Variants in SNX25 observed in about 807,000 individuals in gnomAD.
SNX25 encodes the protein sorting nexin-25.
Under a neutral mutation model 113.7 loss-of-function variants are expected in SNX25, and 62 were observed. That is an observed-to-expected ratio of 0.55 (90% CI 0.44 to 0.67). SNX25 has a LOEUF of 0.67. Among genes scored for constraint, SNX25 ranks in the 30% least tolerant of loss-of-function variants. The pLI, the probability that SNX25 is intolerant of heterozygous loss-of-function variation, is 0.00. For synonymous variants in SNX25, 421 were observed against 436.2 expected (o/e 0.97, Z 0.43); for missense variants, 1,014 against 1,161.0 (o/e 0.87, Z 1.84).
chr4:185,240,271 G>A (rs1489423623), intron 1 of SNX25, among the ~76,000 whole-genome samples: 2 of 152,126 alleles, frequency 1.3e-5, no homozygotes, highest in South Asian at 2.1e-4. Context: ...CGTTCTCAAT[G>A]AGCTGTTGAG....
intron 2 of SNX25, among the ~76,000 whole-genome samples, chr4:185,255,248 C>T (rs1746249011): frequency 6.6e-6 from 1 of 152,016 alleles, no homozygotes; most frequent in Non-Finnish European, 1.5e-5. Context: ...ATTCTCCTGT[C>T]TCAGCCTCTG....
intron 7 of SNX25, among the ~76,000 whole-genome samples, chr4:185,318,059 A>G (rs1034029859): frequency 3.6e-4 from 54 of 152,096 alleles, no homozygotes; most frequent in Non-Finnish European, 3.5e-4. Context: ...AAGAAAGAAA[A>G]TGCCTGCCCC....
At chr4:185,268,415 T>G (rs1303750492) in intron 5 of SNX25, among the ~76,000 whole-genome samples, 1 of 152,184 alleles carries the variant, frequency 6.6e-6, no homozygotes, top group African/African-American at 2.4e-5. Flanking sequence ...TGTATTTTTG[T>G]GTATTTTTAA....
At chr4:185,259,200 G>A (rs952386474) in intron 3 of SNX25, 136 bp downstream of exon 3, 7 of 724,846 alleles carry the variant, frequency 9.7e-6, no homozygotes, top group Non-Finnish European at 1.5e-5. Context: ...TTATTAAGGG[G>A]GAATAATTAT....
the SNX25 span, chr4:185,377,925 A>C: frequency 1.4e-5 from 9 of 621,516 alleles, no homozygotes; most frequent in South Asian, 2.1e-4. Flanking sequence ...TAAATGAGCA[A>C]TTTCACAGAT....
At chr4:185,332,488 TC>T (rs1290552113) in intron 9 of SNX25, 106 bp from the exon 10 acceptor site, 9 of 1,101,208 alleles carry the variant, frequency 8.2e-6, no homozygotes, top group Non-Finnish European at 7.3e-6. Context: ...ACTTTAGTAT[TC>T]TTTCCTTACT....
At chr4:185,342,788 C>T (rs969407146) in intron 12 of SNX25, among the ~76,000 whole-genome samples, 3 of 152,214 alleles carry the variant, frequency 2.0e-5, no homozygotes, top group African/African-American at 7.2e-5. Context: ...AGGTGCGGTG[C>T]TTGGAGCACA....
chr4:185,265,813 A>G (rs1352188102), intron 4 of SNX25, among the ~76,000 whole-genome samples: 1 of 152,106 alleles, frequency 6.6e-6, no homozygotes, highest in Non-Finnish European at 1.5e-5. Context: ...TCTTTACACT[A>G]GCTTGACCTC....
intron 10 of SNX25, 42 bp downstream of exon 10, chr4:185,332,801 T>C: frequency 1.9e-6 from 3 of 1,589,730 alleles, no homozygotes; most frequent in Non-Finnish European, 1.7e-6. Context: ...AGTTAACATT[T>C]GTCTAATTTG....
intron 7 of SNX25, among the ~76,000 whole-genome samples, chr4:185,313,851 G>C (rs180989893): frequency 3.7e-4 from 57 of 152,246 alleles, no homozygotes; most frequent in African/African-American, 1.3e-3. Flanking sequence ...CACAGATCTT[G>C]TATGTTATGT....
chr4:185,359,854 T>C lies in SNX25; in HGVS notation c.2652-2070T>C, dbSNP rs182043988. On this transcript the variant is annotated intron_variant, in intron 16 of 18. Coordinates refer to ENST00000652585, the MANE Select transcript of SNX25 (RefSeq NM_001378034.2). Reference sequence around the variant, plus strand: ...GAGTGGTGCATACATCGGGCAGTAATTTTCACAGGGATGGAGAAGAGGCAC... The same window carrying C: ...GAGTGGTGCATACATCGGGCAGTAACTTTCACAGGGATGGAGAAGAGGCAC... Among the ~76,000 whole-genome samples the C allele has an allele frequency of 5.2e-4, 79 of 152,330 alleles. 1 individual carries two copies. In the East Asian group the frequency reaches 0.014, roughly 26 times the overall value.
Position 185,335,477 on chromosome 4 carries a change from T to G in SNX25, c.1914+2718T>G, listed in dbSNP as rs535323136. ...CTTTTCTGGATTAAATATCTAATTA[T>G]TAATCAGATCATTTTCCTGTGAGAC... is the stretch of plus-strand genomic sequence containing the variant. On this transcript the variant is annotated intron_variant, in intron 10 of 18. Transcript: ENST00000652585. 3.3e-4 allele frequency among the ~76,000 whole-genome samples: 50 copies of G among 152,312 alleles called. 1 individual carries two copies. The South Asian group carries it at 0.01, about 31-fold the overall frequency.
chr4:185,374,092 TAATC>T (rs2095425143), downstream of SNX25: 1 of 1,497,314 alleles, frequency 6.7e-7, no homozygotes. Context: ...AAACAAATAT[TAATC>T]TAAATATAAC....
intron 6 of SNX25, chr4:185,296,029 T>C (rs1752791108): frequency 6.6e-6 from 1 of 152,228 alleles, no homozygotes; most frequent in East Asian, 1.9e-4. Flanking sequence ...ATTCAGTGGC[T>C]GGTGAGGGCT....
chr4:185,207,210 CTTTTTTTT>C (rs34373262), upstream of SNX25, among the ~76,000 whole-genome samples: 380 of 76,854 alleles, frequency 4.9e-3, 13 homozygotes, highest in South Asian at 0.12. Flanking sequence ...ACCAGTCACA[CTTTTTTTT>C]TTTTTTTTTT....
chr4:185,329,195 G>T (rs960204876), intron 9 of SNX25, among the ~76,000 whole-genome samples: 3 of 152,138 alleles, frequency 2.0e-5, no homozygotes, highest in Non-Finnish European at 4.4e-5. Context: ...CAAAGGTGCC[G>T]TTTTCAGGCC....
At chr4:185,220,469 C>A (rs1349736138) in intron 1 of SNX25, among the ~76,000 whole-genome samples, 1 of 149,406 alleles carries the variant, frequency 6.7e-6, no homozygotes, top group African/African-American at 2.5e-5. Flanking sequence ...AAAGTCAGGT[C>A]CCACAACTGA....
chr4:185,370,783 G>T (rs1371812945), downstream of SNX25: 7 of 1,614,058 alleles, frequency 4.3e-6, no homozygotes, highest in Non-Finnish European at 5.9e-6. Flanking sequence ...GCGATCATGG[G>T]GATGTCGTGA....
At position 185,332,586 on chromosome 4, in the gene SNX25, T is replaced by TC; in HGVS notation, c.1750-4dup. On this transcript the variant is annotated splice_polypyrimidine_tract_variant and intron_variant, in intron 9 of 18. Transcript: ENST00000652585. ...TATAAGATATGGTGGTATGTGACTC[T>TC]CCCCCTAGGGCCCAAGAGATGAGGC... 2 of 1,598,326 alleles carry TC rather than the reference T, an allele frequency of 1.3e-6. No individual in the cohort carries two copies. Among genetic ancestry groups the TC allele is most frequent in the South Asian group, 2.3e-5 (2 of 88,690 alleles).
Sources: allele counts gnomAD v4.1 joint callset (sites outside exome capture counted in the v4.1 genomes callset), GRCh38; gene constraint gnomAD v4.1.1; transcripts MANE v1.5; gene names NCBI Gene and HGNC (gene_info 2026-07-23, HGNC 2026-07-21).